The following RMDN2 variants were observed in gnomAD, a reference collection of about 807,000 sequenced individuals.
RMDN2 encodes the protein regulator of microtubule dynamics 2.
RMDN2 carries 61 observed loss-of-function variants against 52.8 expected under a neutral mutation model. The observed-to-expected ratio is 1.16, with a 90% CI of 0.94 to 1.43. The LOEUF (loss-of-function observed/expected upper bound fraction) is 1.43. Among genes scored for constraint, RMDN2 ranks in the 40% most tolerant of loss-of-function variants. RMDN2 has a pLI of 0.00. For synonymous variants in RMDN2, 180 were observed against 153.1 expected (o/e 1.18, Z -1.30); for missense variants, 592 against 475.3 (o/e 1.25, Z -2.28).
chr2:37,992,380 T>C (rs1006967271), intron 7 of RMDN2, among the ~76,000 whole-genome samples: 6 of 152,356 alleles, frequency 3.9e-5, no homozygotes, highest in African/African-American at 1.2e-4. Flanking sequence ...AGTCAAATAA[T>C]AGAATGATTA....
chr2:37,994,002 A>G (rs556625320), intron 7 of RMDN2, among the ~76,000 whole-genome samples: 20 of 152,334 alleles, frequency 1.3e-4, no homozygotes, highest in East Asian at 3.9e-4. Context: ...TCTTCACACC[A>G]TAGAGAAATG....
chr2:37,927,139 G>A (rs1283096491), intron 1 of RMDN2, among the ~76,000 whole-genome samples: 3 of 152,130 alleles, frequency 2.0e-5, no homozygotes, highest in African/African-American at 7.2e-5. Context: ...CATCAGCTCC[G>A]TTGATTCTAT....
At position 38,055,570 on chromosome 2, in the gene RMDN2, T is replaced by C. The variant is rs74804801; in HGVS notation, c.1714-11412T>C. 7.3e-3 allele frequency among the ~76,000 whole-genome samples: 1,118 copies of C among 152,298 alleles called. 30 individuals are homozygous for C. Among genetic ancestry groups the C allele is most frequent in the Admixed American group, 0.052 (801 of 15,302 alleles). On this transcript the variant is annotated intron_variant, in intron 10 of 10. Transcript: ENST00000234195. ...TGATGACCCCATCAAGGACAAGATC[T>C]TTGCATCTTTTCATACAGTCATTTT...
intron 3 of RMDN2, 151 bp downstream of exon 3, chr2:37,974,365 AATTT>A: frequency 2.1e-6 from 1 of 471,634 alleles, no homozygotes; most frequent in Non-Finnish European, 3.5e-6. Flanking sequence ...AATTTTTTAA[AATTT>A]ATTTTTTATT....
At chr2:38,048,435 C>T (rs965941852) in intron 10 of RMDN2, among the ~76,000 whole-genome samples, 3 of 152,188 alleles carry the variant, frequency 2.0e-5, no homozygotes, top group African/African-American at 7.2e-5. Context: ...AAACAGCCTC[C>T]AGGGACTTCA....
At chr2:38,058,603 A>G (rs1681929536) in intron 10 of RMDN2, among the ~76,000 whole-genome samples, 1 of 152,178 alleles carries the variant, frequency 6.6e-6, no homozygotes, top group Non-Finnish European at 1.5e-5. Context: ...ATAGCTTTGA[A>G]TTTCCTTGTT....
intron 2 of RMDN2, among the ~76,000 whole-genome samples, chr2:37,933,783 C>T (rs950195742): frequency 7.7e-6 from 1 of 129,802 alleles, no homozygotes; most frequent in Non-Finnish European, 1.7e-5. Context: ...AGAGAGAGAC[C>T]GTGGAAAGGG....
At chr2:37,995,467 G>A (rs1388217288) in intron 7 of RMDN2, among the ~76,000 whole-genome samples, 2 of 152,072 alleles carry the variant, frequency 1.3e-5, no homozygotes, top group African/African-American at 2.4e-5. Flanking sequence ...ATAAACTAGT[G>A]TGCTTGTAAT....
At chr2:38,029,026 T>C (rs1429775208) in intron 10 of RMDN2, among the ~76,000 whole-genome samples, 3 of 152,066 alleles carry the variant, frequency 2.0e-5, no homozygotes, top group Non-Finnish European at 4.4e-5. Context: ...GGCGGGCACA[T>C]ATCCATGCAA....
Position 37,929,659 on chromosome 2 carries a change from A to G in RMDN2, c.382A>G (p.Lys128Glu). 1 of 1,541,950 alleles carries G rather than the reference A, an allele frequency of 6.5e-7. No individual in the cohort carries two copies. The highest frequency in any genetic ancestry group is 2.4e-5 in the East Asian group (1 of 40,866). ...HKISPQHRAR[K>E]RRLPTIQSSA... ...GATAAGCCCTCAGCACAGAGCGAGA[A>G]AAAGAAGACTCCCCACAATTCAAAG... Residue 128 changes from lysine to glutamate, a missense_variant, in exon 2 of 11, where the codon AAA (lysine) becomes GAA (glutamate). By Grantham distance (56) the Lys-to-Glu change is moderately conservative (BLOSUM62 1). Transcript: ENST00000354545.
chr2:38,010,348 G>T (rs1677784621), intron 10 of RMDN2, among the ~76,000 whole-genome samples: 1 of 152,218 alleles, frequency 6.6e-6, no homozygotes, highest in African/African-American at 2.4e-5. Context: ...TTGAGCTGTG[G>T]TGGGCTCCAC....
At chr2:37,939,289 C>T (rs1667577687) in intron 2 of RMDN2, among the ~76,000 whole-genome samples, 1 of 152,054 alleles carries the variant, frequency 6.6e-6, no homozygotes, top group African/African-American at 2.4e-5. Context: ...TTTACATTTG[C>T]TGAGGAGTCT....
At chr2:37,941,507 C>A (rs1030469456) in intron 2 of RMDN2, among the ~76,000 whole-genome samples, 1 of 152,196 alleles carries the variant, frequency 6.6e-6, no homozygotes, top group Non-Finnish European at 1.5e-5. Flanking sequence ...CGCGCCTTCC[C>A]CCAGTTGCTC....
At chr2:38,026,447 C>T (rs1679787923) in intron 10 of RMDN2, among the ~76,000 whole-genome samples, 1 of 152,028 alleles carries the variant, frequency 6.6e-6, no homozygotes, top group Non-Finnish European at 1.5e-5. Flanking sequence ...CTTTTGGGTT[C>T]ATTGATTTTT....
chr2:38,043,973 T>C (rs1405996594), intron 10 of RMDN2, among the ~76,000 whole-genome samples: 1 of 152,100 alleles, frequency 6.6e-6, no homozygotes, highest in Non-Finnish European at 1.5e-5. Context: ...TTTATCCAAG[T>C]GTCTGATCTA....
Position 38,039,047 on chromosome 2 carries a change from TACACACACACACACACACACACAC to T in RMDN2, c.1714-27911_1714-27888del, listed in dbSNP as rs71414270. ...GCAACAGTTTAAAAGCCAGATGCTA[TACACACACACACACACACACACAC>T]ACACACACACACACACACACACAGA... On this transcript the variant is annotated intron_variant, in intron 10 of 10. Coordinates refer to the RMDN2 transcript ENST00000234195. 1.3e-3 allele frequency among the ~76,000 whole-genome samples: 162 copies of T among 127,388 alleles called. 1 individual carries two copies. The highest frequency in any genetic ancestry group is 3.9e-3 in the Middle Eastern group (1 of 254). 83.6% of individuals were successfully genotyped at this position (127,388 alleles called of 152,430 possible).
chr2:37,980,940 ATGT>A (rs895013515), intron 4 of RMDN2, among the ~76,000 whole-genome samples: 5 of 152,176 alleles, frequency 3.3e-5, no homozygotes, highest in African/African-American at 9.7e-5. Context: ...TACTCAGTAA[ATGT>A]TGTTTGAATG....
At chr2:37,951,182 C>G (rs774652265) in intron 2 of RMDN2, 17 of 1,496,672 alleles carry the variant, frequency 1.1e-5, no homozygotes, top group Admixed American at 4.6e-5. Context: ...TGGCAGGTCT[C>G]CACTCTGCTC....
intron 2 of RMDN2, among the ~76,000 whole-genome samples, chr2:37,937,665 AATGGGAG>A (rs1471429317): frequency 3.9e-5 from 6 of 152,184 alleles, no homozygotes; most frequent in Admixed American, 3.3e-4. Flanking sequence ...AGCAATTATG[AATGGGAG>A]TTTGCTCATG....
Sources: allele counts gnomAD v4.1 joint callset (sites outside exome capture counted in the v4.1 genomes callset), GRCh38; gene constraint gnomAD v4.1.1; transcripts MANE v1.5; gene names NCBI Gene and HGNC (gene_info 2026-07-23, HGNC 2026-07-21).